RALYL: variants seen among roughly 807,000 people sequenced by gnomAD.
The protein encoded by RALYL is RALY RNA binding protein like.
RALYL carries 29 observed loss-of-function variants against 35.1 expected under a neutral mutation model. The ratio of observed to expected loss-of-function variants is 0.83; its 90% confidence interval spans 0.61 to 1.13. The LOEUF (loss-of-function observed/expected upper bound fraction) is 1.13, where lower values mean the gene tolerates loss of function less well. Ranked by LOEUF, RALYL falls within the 50% of genes most tolerant of loss-of-function variation. The probability of loss-of-function intolerance (pLI) is 0.00; values close to 1 mark genes in which losing one functional copy is unlikely to be tolerated. For synonymous variants in RALYL, 120 were observed against 127.6 expected, an observed-to-expected ratio of 0.94 and a Z score of 0.40; for missense variants, 359 against 360.4, an observed-to-expected ratio of 1.00 and a Z score of 0.03.
intron 1 of RALYL, among the ~76,000 whole-genome samples, chr8:84,525,802 AG>A (rs1296539111): frequency 6.6e-6 from 1 of 152,082 alleles, no homozygotes; most frequent in East Asian, 1.9e-4. Context: ...TATCTTTAAA[AG>A]TCCCATTTGA....
chr8:84,431,207 TG>T (rs2047102095), intron 1 of RALYL, among the ~76,000 whole-genome samples: 1 of 152,090 alleles, frequency 6.6e-6, no homozygotes, highest in Non-Finnish European at 1.5e-5. Context: ...CTCCTTCCAC[TG>T]GGGAGACAAC....
At chr8:84,194,506 C>A (rs1814741411) in intron 1 of RALYL, among the ~76,000 whole-genome samples, 1 of 152,084 alleles carries the variant, frequency 6.6e-6, no homozygotes, top group Non-Finnish European at 1.5e-5. Context: ...AGCAATGCAA[C>A]CCTTTGTAAG....
intron 3 of RALYL, among the ~76,000 whole-genome samples, chr8:84,782,044 C>T (rs1818311064): frequency 6.6e-6 from 1 of 151,480 alleles, no homozygotes; most frequent in Non-Finnish European, 1.5e-5. Flanking sequence ...CACACACACA[C>T]ACACACACAC....
chr8:84,378,983 C>G (rs994702267), intron 1 of RALYL, among the ~76,000 whole-genome samples: 1 of 151,914 alleles, frequency 6.6e-6, no homozygotes, highest in African/African-American at 2.4e-5. Context: ...GCTCTTGGAA[C>G]CTGCCTGTTC....
In RALYL at chr8:84,277,635, C is replaced by A. The variant is rs566900139; in HGVS notation, c.-24+93211C>A. Among the ~76,000 whole-genome samples, 7 of 152,264 alleles carry A rather than the reference C, an allele frequency of 4.6e-5. No homozygotes were observed. The South Asian group carries it at 6.2e-4, about 14-fold the overall frequency. On this transcript the variant is annotated intron_variant, in intron 1 of 8. Coordinates refer to ENST00000521268, the MANE Select transcript of RALYL (RefSeq NM_173848.7). ...AAATTAAAAACAAGTTAGTTACTTC[C>A]TAGATTCAGTGGGGGTACAGGCATT...
chr8:84,303,824 A>T (rs1841269722), intron 1 of RALYL, among the ~76,000 whole-genome samples: 1 of 152,122 alleles, frequency 6.6e-6, no homozygotes, highest in Admixed American at 6.6e-5. Flanking sequence ...TTTCCATCTG[A>T]ATTGTAGATT....
intron 1 of RALYL, among the ~76,000 whole-genome samples, chr8:84,333,896 C>T (rs893443976): frequency 6.6e-6 from 1 of 151,942 alleles, no homozygotes; most frequent in Non-Finnish European, 1.5e-5. Context: ...TTGTTTTTTT[C>T]CCCCCTTGGG....
At chr8:84,525,428 T>A (rs944036748) in intron 1 of RALYL, among the ~76,000 whole-genome samples, 4 of 152,152 alleles carry the variant, frequency 2.6e-5, no homozygotes, top group Non-Finnish European at 5.9e-5. Context: ...TTTTATCACT[T>A]GTTTTTAGTA....
chr8:84,271,686 G>A (rs886628041), intron 1 of RALYL, among the ~76,000 whole-genome samples: 3 of 151,766 alleles, frequency 2.0e-5, no homozygotes, highest in Non-Finnish European at 2.9e-5. Flanking sequence ...TGACACATGC[G>A]ACAACATGAA....
At chr8:84,731,205 G>T (rs907077622) in intron 2 of RALYL, among the ~76,000 whole-genome samples, 4 of 152,128 alleles carry the variant, frequency 2.6e-5, no homozygotes, top group Middle Eastern at 3.2e-3. Context: ...TCCCTTGCCC[G>T]TGGAGACAGA....
At chr8:84,624,937 T>C (rs949684560) in intron 2 of RALYL, among the ~76,000 whole-genome samples, 1 of 152,180 alleles carries the variant, frequency 6.6e-6, no homozygotes, top group Non-Finnish European at 1.5e-5. Context: ...ACTGACATCA[T>C]TGACATCATA....
At chr8:84,446,305 T>C (rs887112408) in intron 1 of RALYL, among the ~76,000 whole-genome samples, 4 of 152,058 alleles carry the variant, frequency 2.6e-5, no homozygotes, top group African/African-American at 9.7e-5. Flanking sequence ...AAATCATAGT[T>C]CTTTTTTAAA....
At chr8:84,781,321 A>T (rs1041066903) in intron 3 of RALYL, among the ~76,000 whole-genome samples, 1 of 152,226 alleles carries the variant, frequency 6.6e-6, no homozygotes, top group Admixed American at 6.5e-5. Context: ...CACTAAGCAA[A>T]TATAACTTAT....
chr8:84,244,569 A>G (rs1427179433), intron 1 of RALYL, among the ~76,000 whole-genome samples: 2 of 152,166 alleles, frequency 1.3e-5, no homozygotes, highest in African/African-American at 4.8e-5. Context: ...CTTTTTGCCC[A>G]CTGTACTGTC....
intron 3 of RALYL, among the ~76,000 whole-genome samples, chr8:84,783,169 A>T (rs1818596253): frequency 8.0e-6 from 1 of 124,442 alleles, no homozygotes; most frequent in Non-Finnish European, 1.7e-5. Context: ...CTAAAGATTT[A>T]TCTCTAAATG....
At chr8:84,386,330 T>A (rs949335797) in intron 1 of RALYL, among the ~76,000 whole-genome samples, 1 of 151,854 alleles carries the variant, frequency 6.6e-6, no homozygotes, top group Non-Finnish European at 1.5e-5. Flanking sequence ...CTCAAAGTTT[T>A]TAGACTAGTA....
chr8:84,800,371 A>G (rs1326640157), intron 3 of RALYL, among the ~76,000 whole-genome samples: 3 of 152,222 alleles, frequency 2.0e-5, no homozygotes, highest in Non-Finnish European at 4.4e-5. Context: ...TTGTATCATG[A>G]CGTTTAAATA....
chr8:84,834,575 T>G, intron 4 of RALYL, among the ~76,000 whole-genome samples: 1 of 152,132 alleles, frequency 6.6e-6, no homozygotes, highest in Non-Finnish European at 1.5e-5. Context: ...TGCCTTGCAG[T>G]TTTCCTCCAG....
intron 1 of RALYL, among the ~76,000 whole-genome samples, chr8:84,400,242 C>G (rs993389845): frequency 2.0e-5 from 3 of 152,100 alleles, no homozygotes; most frequent in Non-Finnish European, 4.4e-5. Flanking sequence ...ATTTATGTTT[C>G]GTATACACGT....
Sources: allele counts gnomAD v4.1 joint callset (sites outside exome capture counted in the v4.1 genomes callset), GRCh38; gene constraint gnomAD v4.1.1; transcripts MANE v1.5; gene names NCBI Gene and HGNC (gene_info 2026-07-23, HGNC 2026-07-21).